Variants in FTCDNL1 observed in about 807,000 individuals in gnomAD.
FTCDNL1 encodes formiminotransferase cyclodeaminase N-terminal like, also known as formiminotransferase N-terminal subdomain-containing protein.
FTCDNL1 carries 11 observed loss-of-function variants against 5.9 expected under a neutral mutation model. The ratio of observed to expected loss-of-function variants is 1.87; its 90% CI spans 1.18 to 3.10. The LOEUF (loss-of-function observed/expected upper bound fraction) is 3.10. FTCDNL1 is among the 30% of genes most tolerant of loss of function. The pLI, the probability that FTCDNL1 is intolerant of heterozygous loss-of-function variation, is 0.00. For synonymous variants in FTCDNL1, 58 were observed against 24.8 expected, an observed-to-expected ratio of 2.34 and a Z score of -3.99; for missense variants, 115 against 65.5, an observed-to-expected ratio of 1.76 and a Z score of -2.61.
chr2:199,713,119 T>C, the FTCDNL1 span, among the ~76,000 whole-genome samples: 1 of 152,198 alleles, frequency 6.6e-6, no homozygotes, highest in Non-Finnish European at 1.5e-5. Context: ...TTTCATCACA[T>C]TCTTTTTTCT....
chr2:199,663,953 C>G, the FTCDNL1 span, among the ~76,000 whole-genome samples: 1 of 151,746 alleles, frequency 6.6e-6, no homozygotes, highest in Non-Finnish European at 1.5e-5. Flanking sequence ...AAACTGCAAC[C>G]TCTACACAAG....
intron 3 of FTCDNL1, among the ~76,000 whole-genome samples, chr2:199,783,194 A>T (rs1373298004): frequency 6.6e-6 from 1 of 152,220 alleles, no homozygotes. Flanking sequence ...CTGCAAGGCC[A>T]TGGCCTGTTA....
the FTCDNL1 span, among the ~76,000 whole-genome samples, chr2:199,715,696 G>T: frequency 6.6e-6 from 1 of 152,136 alleles, no homozygotes; most frequent in African/African-American, 2.4e-5. Context: ...ATGAGGTGCA[G>T]AGCATCATTA....
At chr2:199,723,103 T>G in the FTCDNL1 span, among the ~76,000 whole-genome samples, 4 of 152,210 alleles carry the variant, frequency 2.6e-5, no homozygotes, top group South Asian at 8.3e-4. Flanking sequence ...TTTCTGATAC[T>G]CTCCCTCCCC....
At chr2:199,755,858 C>T (rs1698057969), downstream of FTCDNL1, among the ~76,000 whole-genome samples, 2 of 152,274 alleles carry the variant, frequency 1.3e-5, no homozygotes, top group East Asian at 1.9e-4. Context: ...TTGAACAGCA[C>T]TTTGCTAACG....
chr2:199,779,145 A>G (rs1361973128), intron 3 of FTCDNL1, among the ~76,000 whole-genome samples: 3 of 152,208 alleles, frequency 2.0e-5, no homozygotes, highest in African/African-American at 4.8e-5. Flanking sequence ...TGAAATACCC[A>G]CTACTATATT....
At chr2:199,769,225 A>G (rs1362698931) in intron 3 of FTCDNL1, among the ~76,000 whole-genome samples, 1 of 152,074 alleles carries the variant, frequency 6.6e-6, no homozygotes, top group Non-Finnish European at 1.5e-5. Flanking sequence ...AAAAAAATTG[A>G]AGGAGTGATG....
chr2:199,715,245 A>G, the FTCDNL1 span, among the ~76,000 whole-genome samples: 4 of 152,120 alleles, frequency 2.6e-5, no homozygotes, highest in African/African-American at 9.7e-5. Flanking sequence ...ATATATATGC[A>G]ACCAAATCTA....
At chr2:199,664,478 A>G in the FTCDNL1 span, among the ~76,000 whole-genome samples, 1 of 152,234 alleles carries the variant, frequency 6.6e-6, no homozygotes, top group African/African-American at 2.4e-5. Context: ...AAAATATTCA[A>G]TTCTGCTTTA....
chr2:199,805,556 T>C (rs1233753486), downstream of FTCDNL1, among the ~76,000 whole-genome samples: 3 of 151,966 alleles, frequency 2.0e-5, no homozygotes, highest in Admixed American at 2.0e-4. Flanking sequence ...CTGACCAACA[T>C]GGTGAAACCC....
the FTCDNL1 span, among the ~76,000 whole-genome samples, chr2:199,750,822 G>A: frequency 3.9e-5 from 6 of 152,246 alleles, no homozygotes; most frequent in African/African-American, 1.2e-4. Flanking sequence ...TCTAAGATAG[G>A]AAGCCAGGCT....
chr2:199,705,694 G>T, the FTCDNL1 span, among the ~76,000 whole-genome samples: 4 of 152,180 alleles, frequency 2.6e-5, no homozygotes, highest in East Asian at 7.7e-4. Flanking sequence ...CGTAATGCTA[G>T]CTGTAGATTG....
At chr2:199,804,512 A>G (rs908326048), downstream of FTCDNL1, among the ~76,000 whole-genome samples, 3 of 152,206 alleles carry the variant, frequency 2.0e-5, no homozygotes, top group Non-Finnish European at 4.4e-5. Flanking sequence ...AACCTGGCCC[A>G]ATGCTTTCCA....
chr2:199,815,640 A>AT (rs976364094), intron 4 of FTCDNL1, among the ~76,000 whole-genome samples: 7 of 152,180 alleles, frequency 4.6e-5, no homozygotes, highest in Admixed American at 4.6e-4. Flanking sequence ...AATTAGATGA[A>AT]TAACATTTCT....
the FTCDNL1 span, among the ~76,000 whole-genome samples, chr2:199,751,203 A>G: frequency 4.6e-5 from 7 of 152,244 alleles, no homozygotes; most frequent in Admixed American, 4.6e-4. Context: ...GTGTGGTGAT[A>G]ATTAATGATA....
chr2:199,677,474 T>C, the FTCDNL1 span, among the ~76,000 whole-genome samples: 3 of 152,182 alleles, frequency 2.0e-5, no homozygotes, highest in East Asian at 5.8e-4. Flanking sequence ...GAGTCCAGCA[T>C]ATATCCAAGG....
chr2:199,803,954 G>T (rs1212238935), intron 3 of FTCDNL1, among the ~76,000 whole-genome samples: 1 of 152,116 alleles, frequency 6.6e-6, no homozygotes, highest in East Asian at 1.9e-4. Context: ...GTAAAAGATA[G>T]CTACAAATAA....
chr2:199,797,092 A>C (rs1261237566), intron 3 of FTCDNL1, among the ~76,000 whole-genome samples: 3 of 152,226 alleles, frequency 2.0e-5, no homozygotes, highest in African/African-American at 7.2e-5. Flanking sequence ...CATTATTGAC[A>C]TGTAGTATGG....
At chr2:199,844,159 A>ATT (rs11389472) in intron 3 of FTCDNL1, among the ~76,000 whole-genome samples, 7 of 145,196 alleles carry the variant, frequency 4.8e-5, no homozygotes, top group South Asian at 4.4e-4. Flanking sequence ...AAAATTATTG[A>ATT]TTTTTTTTTT....
Sources: gnomAD v4.1 joint callset for allele counts (sites outside exome capture counted in the v4.1 genomes callset) on GRCh38, gnomAD v4.1.1 for gene constraint, MANE v1.5 for transcripts, NCBI Gene and HGNC (gene_info 2026-07-23, HGNC 2026-07-21) for gene names.